Variants in CHD9 observed in about 807,000 individuals in gnomAD.
CHD9 encodes chromodomain helicase DNA binding protein 9.
In CHD9, 77 loss-of-function variants were observed where a neutral mutation model predicts 316.1. The ratio of observed to expected loss-of-function variants is 0.24; its 90% CI spans 0.20 to 0.29. The LOEUF (loss-of-function observed/expected upper bound fraction) is 0.29, where lower values mean the gene tolerates loss of function less well. Ranked by LOEUF, CHD9 falls within the 10% of genes least tolerant of loss-of-function variation. The probability of loss-of-function intolerance (pLI) is 1.00; values close to 1 mark genes in which losing one functional copy is unlikely to be tolerated. For synonymous variants in CHD9, 1,129 were observed against 1,158.3 expected (o/e 0.97, Z 0.51); for missense variants, 2,763 against 3,438.1 (o/e 0.80, Z 4.91).
intron 1 of CHD9, among the ~76,000 whole-genome samples, chr16:53,075,694 A>G (rs2034465021): frequency 6.6e-6 from 1 of 152,162 alleles, no homozygotes. Context: ...TCTCGCCATG[A>G]TTCCGAGGCC....
chr16:53,213,651 T>A (rs1035089007), intron 3 of CHD9, among the ~76,000 whole-genome samples: 1 of 152,198 alleles, frequency 6.6e-6, no homozygotes, highest in African/African-American at 2.4e-5. Context: ...GGACTTCCAG[T>A]AGAATTTTCT....
chr16:53,118,793 C>CTT (rs565529283), intron 1 of CHD9, among the ~76,000 whole-genome samples: 32,034 of 126,982 alleles, frequency 0.25, 5,435 homozygotes, highest in Non-Finnish European at 0.37. Context: ...AGATAACTTT[C>CTT]TTTTTTTTTT....
chr16:53,153,576 T>C (rs2041284130), intron 1 of CHD9, among the ~76,000 whole-genome samples: 1 of 152,194 alleles, frequency 6.6e-6, no homozygotes, highest in Non-Finnish European at 1.5e-5. Context: ...TTACCCAGGC[T>C]AGAGTGTAGT....
intron 12 of CHD9, among the ~76,000 whole-genome samples, chr16:53,241,125 C>T (rs1170457126): frequency 6.6e-6 from 1 of 152,054 alleles, no homozygotes; most frequent in Non-Finnish European, 1.5e-5. Flanking sequence ...TATTAACTGA[C>T]CTAAAATTAA....
At chr16:53,230,101 T>C (rs1237405672) in intron 8 of CHD9, among the ~76,000 whole-genome samples, 1 of 152,186 alleles carries the variant, frequency 6.6e-6, no homozygotes, top group Non-Finnish European at 1.5e-5. Context: ...TTTTGTAGAA[T>C]GCCCCTCAGT....
At chr16:53,177,993 A>G (rs1001071876) in intron 2 of CHD9, among the ~76,000 whole-genome samples, 1 of 152,188 alleles carries the variant, frequency 6.6e-6, no homozygotes, top group Non-Finnish European at 1.5e-5. Context: ...TCTTTGGCCT[A>G]AGCATGCACA....
Position 53,226,493 on chromosome 16 carries a change from A to G in CHD9, c.2024A>G (p.Gln675Arg). The G allele has an allele frequency of 6.2e-7, 1 of 1,602,196 alleles. No individual in the cohort carries two copies. The highest frequency in any genetic ancestry group is 8.5e-7 in the Non-Finnish European group (1 of 1,177,290). The change falls in exon 5 of 39, where the codon CAG (glutamine) becomes CGG (arginine). Residue 675 changes from glutamine to arginine, a missense_variant. Physicochemically the swap from Gln to Arg is conservative, Grantham distance 43. Coordinates refer to ENST00000447540, the MANE Select transcript of CHD9 (RefSeq NM_001308319.2). ...AATTCAGCTCCTTTACCTGGTGAAC[A>G]GCCTTTACAATTGTTTGTGGTAAGC... ...KKNSAPLPGE[Q>R]PLQLFVENPS... is the part of the protein sequence containing the mutation.
At chr16:53,080,441 G>C (rs1466542382) in intron 1 of CHD9, among the ~76,000 whole-genome samples, 1 of 152,152 alleles carries the variant, frequency 6.6e-6, no homozygotes, top group East Asian at 1.9e-4. Context: ...ACACCTCCAA[G>C]GGGGAGACAG....
At chr16:53,218,675 A>G (rs541604757) in intron 3 of CHD9, among the ~76,000 whole-genome samples, 7 of 152,312 alleles carry the variant, frequency 4.6e-5, no homozygotes, top group Non-Finnish European at 7.4e-5. Flanking sequence ...AATGAATAAG[A>G]TATTGCATCA....
At chr16:53,213,555 C>T (rs1051337852) in intron 3 of CHD9, among the ~76,000 whole-genome samples, 11 of 152,054 alleles carry the variant, frequency 7.2e-5, no homozygotes, top group Non-Finnish European at 1.2e-4. Context: ...GGAGGCTAAT[C>T]CATTCATAAA....
intron 1 of CHD9, among the ~76,000 whole-genome samples, chr16:53,135,864 A>G (rs915464963): frequency 3.3e-5 from 5 of 152,310 alleles, no homozygotes; most frequent in African/African-American, 1.2e-4. Flanking sequence ...AGTTTATTTG[A>G]ATATTTTCAT....
At chr16:53,291,619 TG>T in intron 27 of CHD9, 105 bp from the exon 28 acceptor site, 5 of 691,376 alleles carry the variant, frequency 7.2e-6, no homozygotes, top group Non-Finnish European at 1.2e-5. Context: ...AACATTCCAT[TG>T]GGGGAGAAAA....
At chr16:53,217,232 G>A (rs1310682946) in intron 3 of CHD9, among the ~76,000 whole-genome samples, 1 of 152,016 alleles carries the variant, frequency 6.6e-6, no homozygotes, top group East Asian at 1.9e-4. Context: ...AGTTTGTTGG[G>A]CATTTTCTCA....
rs188299290 is a variant in CHD9, at chr16:53,146,256, T to C, written c.-164-9670T>C. Reference sequence around the variant, plus strand: ...AAAAAAAAAAAAATTAGTCGGGCATTGTGACGGGCGCCTGTAATCCCAGCT... The same window carrying C: ...AAAAAAAAAAAAATTAGTCGGGCATCGTGACGGGCGCCTGTAATCCCAGCT... On this transcript the variant is annotated intron_variant, in intron 1 of 38. Transcript: ENST00000447540. Among the ~76,000 whole-genome samples the C allele has an allele frequency of 3.6e-3, 517 of 144,732 alleles. 7 individuals carry two copies. The highest frequency in any genetic ancestry group is 0.012 in the African/African-American group (484 of 38,920). 94.9% of individuals were successfully genotyped at this position (144,732 alleles called of 152,430 possible). A position where few individuals can be genotyped will look rare whatever the true frequency, so the allele number is the denominator to read the frequency against.
intron 1 of CHD9, among the ~76,000 whole-genome samples, chr16:53,075,920 C>A (rs1432453616): frequency 6.6e-6 from 1 of 152,196 alleles, no homozygotes; most frequent in Non-Finnish European, 1.5e-5. Flanking sequence ...TCCTCACCAA[C>A]ACTTGTTATT....
At chr16:53,197,438 T>C (rs2045023200) in intron 2 of CHD9, among the ~76,000 whole-genome samples, 1 of 152,186 alleles carries the variant, frequency 6.6e-6, no homozygotes, top group African/African-American at 2.4e-5. Context: ...GAGGTTGCAG[T>C]AGAAAATCAG....
At chr16:53,134,320 G>C (rs2039558252) in intron 1 of CHD9, among the ~76,000 whole-genome samples, 1 of 152,208 alleles carries the variant, frequency 6.6e-6, no homozygotes, top group Non-Finnish European at 1.5e-5. Flanking sequence ...ATTCTTTGAA[G>C]TTGTCTTAAC....
At chr16:53,195,681 T>A (rs547199469) in intron 2 of CHD9, among the ~76,000 whole-genome samples, 2 of 146,744 alleles carry the variant, frequency 1.4e-5, no homozygotes, top group Non-Finnish European at 3.0e-5. Context: ...TTGTAACTAC[T>A]TTTTTTTTTT....
At chr16:53,073,084 T>A (rs1449805829) in intron 1 of CHD9, among the ~76,000 whole-genome samples, 1 of 152,228 alleles carries the variant, frequency 6.6e-6, no homozygotes, top group Non-Finnish European at 1.5e-5. Context: ...ATCTCTAGAA[T>A]TCCTTTCATC....
Sources: gnomAD v4.1 joint callset for allele counts (sites outside exome capture counted in the v4.1 genomes callset) on GRCh38, gnomAD v4.1.1 for gene constraint, MANE v1.5 for transcripts, NCBI Gene and HGNC (gene_info 2026-07-23, HGNC 2026-07-21) for gene names.